MRGPRX1: variants seen among roughly 807,000 people sequenced by gnomAD.
The protein encoded by MRGPRX1 is MAS related GPR family member X1, also known as mas-related G protein-coupled receptor member X1.
For missense variants in MRGPRX1, 411 were observed against 393.8 expected, an observed-to-expected ratio of 1.04 and a Z score of -0.37; for synonymous variants, 208 against 170.4, an observed-to-expected ratio of 1.22 and a Z score of -1.72.
chr11:18,936,143 T>C (rs1182575218), intron 1 of MRGPRX1, among the ~76,000 whole-genome samples: 3 of 151,344 alleles, frequency 2.0e-5, no homozygotes, highest in Non-Finnish European at 3.0e-5. Context: ...ACTTATATAG[T>C]ATGAATTTGA....
chr11:18,934,846 G>T, intron 1 of MRGPRX1, 37 bp from the exon 2 acceptor site: 1 of 1,505,102 alleles, frequency 6.6e-7, no homozygotes, highest in Non-Finnish European at 8.9e-7. Context: ...CCAGCTGTAT[G>T]ATCTCTGATT....
chr11:18,935,599 G>C (rs1372298177), intron 1 of MRGPRX1, among the ~76,000 whole-genome samples: 3 of 151,486 alleles, frequency 2.0e-5, no homozygotes, highest in Non-Finnish European at 4.4e-5. Context: ...ATTGACCACT[G>C]ATGTGCCTTT....
chr11:18,934,158 T>C lies in MRGPRX1; in HGVS notation c.627A>G (p.Ile209Met), dbSNP rs768400930. 3.2e-5 allele frequency: 51 copies of C among 1,610,622 alleles called. 1 individual carries two copies. The highest frequency in any genetic ancestry group is 3.6e-5 in the Non-Finnish European group (43 of 1,178,202). The part of the protein sequence containing the change: ...LIRILCGSRK[I>M]PLTRLYVTIL... Reference sequence around the variant, plus strand: ...TGGTCACGTACAGCCTGGTCAGCGGTATCTTCCGGGATCCACAGAGAATCC... The same window carrying C: ...TGGTCACGTACAGCCTGGTCAGCGGCATCTTCCGGGATCCACAGAGAATCC... The change falls in exon 2 of 2, where the codon ATA becomes ATG. Residue 209 changes from isoleucine (I) to methionine (M), a missense_variant. Physicochemically the swap from Ile to Met is conservative, Grantham distance 10. Coordinates refer to ENST00000526914, the MANE Select transcript of MRGPRX1 (RefSeq NM_001393578.1).
rs1273910003 is a variant in MRGPRX1 at position 18,934,709 on chromosome 11, G to T, written c.76C>A (p.Gln26Lys). Residue 26 changes from glutamine to lysine, a missense_variant, in exon 2 of 2, where the codon CAG (glutamine) becomes AAG (lysine). Coordinates refer to ENST00000526914, the MANE Select transcript of MRGPRX1 (RefSeq NM_001393578.1). ...NGTEETLCYK[Q>K]TLSLTVLTCI... is the part of the protein sequence containing the mutation. The stretch of plus-strand genomic sequence containing the variant: ...GTCAGCACCGTGAGGCTCAAGGTCT[G>T]CTTGTAGCAAAGAGTCTCCTCAGTT... 1.2e-6 allele frequency: 2 copies of T among 1,608,972 alleles called. No individual in the cohort carries two copies. The highest frequency in any genetic ancestry group is 1.7e-6 in the Non-Finnish European group (2 of 1,177,478).
chr11:18,936,051 G>T (rs930223491), intron 1 of MRGPRX1, among the ~76,000 whole-genome samples: 1 of 151,466 alleles, frequency 6.6e-6, no homozygotes, highest in Admixed American at 6.6e-5. Flanking sequence ...TATCTGAAGA[G>T]CCTAGGAGTT....
At position 18,934,327 on chromosome 11, in the gene MRGPRX1, C is replaced by T. The variant is rs375590109; in HGVS notation, c.458G>A (p.Arg153Gln). 13 of 1,610,822 alleles carry T rather than the reference C, an allele frequency of 8.1e-6. 1 individual carries two copies. Among genetic ancestry groups the T allele is most frequent in the African/African-American group, 2.7e-5 (2 of 74,818 alleles). Residue 153 changes from arginine to glutamine, a missense_variant, in exon 2 of 2, where the codon CGG becomes CAG. By Grantham distance (43) the Arg-to-Gln change is conservative (BLOSUM62 1). Transcript: ENST00000526914. ...CVLLWALSLLRSILEWMLCGF... is the reference protein window; with the variant it reads ...CVLLWALSLLQSILEWMLCGF... ...ACATAACATCCACTCCAGGATGCTC[C>T]GCAGCAGGGACAGGGCCCAGAGCAG...
Position 18,934,757 on chromosome 11 carries a change from T to C in MRGPRX1, c.28A>G (p.Thr10Ala), listed in dbSNP as rs765683741. The stretch of plus-strand genomic sequence containing the variant: ...GTTCCGTTGATTGGTGTCAGTTCTG[T>C]GTCCAAGGTTGAGATGGTTGGATCC... MDPTISTLD[T>A]ELTPINGTEE... Residue 10 changes from threonine (T) to alanine (A), a missense_variant, in exon 2 of 2, where the codon ACA (threonine) becomes GCA (alanine). Coordinates refer to ENST00000526914, the MANE Select transcript of MRGPRX1 (RefSeq NM_001393578.1). The C allele has an allele frequency of 1.9e-6, 3 of 1,590,290 alleles. No individual in the cohort carries two copies. Among genetic ancestry groups the C allele is most frequent in the Non-Finnish European group, 2.6e-6 (3 of 1,167,562 alleles).
chr11:18,936,015 GT>G (rs1848837898), intron 1 of MRGPRX1, among the ~76,000 whole-genome samples: 1 of 151,376 alleles, frequency 6.6e-6, no homozygotes, highest in South Asian at 2.1e-4. Flanking sequence ...CTGATGGAGA[GT>G]TTATTAGGTA....
At position 18,934,607 on chromosome 11, in the gene MRGPRX1, C is replaced by G; in HGVS notation, c.178G>C (p.Ala60Pro). ...WLLGCRMRRN[A>P]FSIYILNLAA... ...AAGTTGAGGATGTAGATGGAGAAGG[C>G]GTTCCTGCGCATGCGGCAGCCCAGG... Residue 60 changes from alanine to proline, a missense_variant, in exon 2 of 2, where the codon GCC (alanine) becomes CCC (proline). Coordinates refer to ENST00000526914, the MANE Select transcript of MRGPRX1 (RefSeq NM_001393578.1). 3 of 1,609,710 alleles carry G rather than the reference C, an allele frequency of 1.9e-6. No individual in the cohort carries two copies. In the South Asian group the frequency reaches 3.3e-5, roughly 18 times the overall value.
At chr11:18,939,241 C>T (rs1335112709) in intron 1 of MRGPRX1, 39 bp downstream of exon 1, 1 of 151,690 alleles carries the variant, frequency 6.6e-6, no homozygotes, top group African/African-American at 2.4e-5. Flanking sequence ...TAGCAAAAAC[C>T]ATGACTGACT....
At chr11:18,937,702 T>C (rs997049409) in intron 1 of MRGPRX1, among the ~76,000 whole-genome samples, 30 of 151,546 alleles carry the variant, frequency 2.0e-4, no homozygotes, top group Admixed American at 8.6e-4. Context: ...ATTCAGGACC[T>C]AGTGACCCAG....
At position 18,934,021 on chromosome 11, in the gene MRGPRX1, A is replaced by G; in HGVS notation, c.764T>C (p.Leu255Pro). ...AAGAGCGGACAGGAAAATAGAAACT[A>G]GATGAACATGACAAAATAAGACTTC... ...DREVLFCHVH[L>P]VSIFLSALNS... Residue 255 changes from leucine (L) to proline (P), a missense_variant, in exon 2 of 2, where the codon CTA (leucine) becomes CCA (proline). Coordinates refer to ENST00000526914, the MANE Select transcript of MRGPRX1 (RefSeq NM_001393578.1). The G allele has an allele frequency of 1.2e-6, 2 of 1,610,934 alleles. No individual in the cohort carries two copies. The highest frequency in any genetic ancestry group is 2.2e-5 in the South Asian group (2 of 90,800).
At position 18,934,587 on chromosome 11, in the gene MRGPRX1, G is replaced by C. The variant is rs1848823372; in HGVS notation, c.198C>G (p.Leu66=). The C allele has an allele frequency of 6.2e-7, 1 of 1,609,654 alleles. No homozygotes were observed. Residue 66 remains leucine (L), a synonymous_variant, in exon 2 of 2, where the codon CTC becomes CTG. Transcript: ENST00000526914. ...MRRNAFSIYI[L]NLAAADFLFL... ...AGAGGAAGTCTGCTGCGGCCAAGTT[G>C]AGGATGTAGATGGAGAAGGCGTTCC...
intron 1 of MRGPRX1, among the ~76,000 whole-genome samples, chr11:18,936,044 C>G (rs917465372): frequency 6.6e-6 from 1 of 151,448 alleles, no homozygotes; most frequent in African/African-American, 2.4e-5. Flanking sequence ...TTTTAATTAT[C>G]TGAAGAGCCT....
intron 1 of MRGPRX1, among the ~76,000 whole-genome samples, chr11:18,936,924 C>T (rs1211398980): frequency 6.6e-6 from 1 of 151,432 alleles, no homozygotes; most frequent in Non-Finnish European, 1.5e-5. Context: ...TTCTCTGCCG[C>T]ATGATTCATT....
chr11:18,938,621 G>T (rs1358945548), intron 1 of MRGPRX1, among the ~76,000 whole-genome samples: 1 of 151,536 alleles, frequency 6.6e-6, no homozygotes, highest in African/African-American at 2.4e-5. Flanking sequence ...AGCCTGTGTG[G>T]CTGTGTGTTG....
chr11:18,933,951 A>G lies in MRGPRX1; in HGVS notation c.834T>C (p.Phe278=). 6.2e-7 allele frequency: 1 copy of G among 1,611,032 alleles called. No homozygotes were observed. ...GGTTCTGCCTATTTTGACGCTGCCT[A>G]AAGGAGCCCACGAAGAAGTAAATGA... ...NPIIYFFVGS[F]RQRQNRQNLK... The change falls in exon 2 of 2, where the codon TTT becomes TTC. Residue 278 remains phenylalanine, a synonymous_variant. Coordinates refer to ENST00000526914, the MANE Select transcript of MRGPRX1 (RefSeq NM_001393578.1).
At chr11:18,934,944 G>T (rs1848828957) in intron 1 of MRGPRX1, 135 bp from the exon 2 acceptor site, 7 of 1,032,936 alleles carry the variant, frequency 6.8e-6, no homozygotes, top group Non-Finnish European at 8.3e-6. Flanking sequence ...CCTATCAAAA[G>T]GTGGGGGTCC....
Position 18,934,410 on chromosome 11 carries a change from C to G in MRGPRX1, c.375G>C (p.Leu125=). ...AVSTERCLSV[L]WPIWYRCHRP... Reference sequence around the variant, plus strand: ...GGTGGCAGCGGTACCAGATGGGCCACAGGACGGACAGGCAGCGCTCGGTGC... The same window carrying G: ...GGTGGCAGCGGTACCAGATGGGCCAGAGGACGGACAGGCAGCGCTCGGTGC... The change falls in exon 2 of 2, where the codon CTG becomes CTC. Residue 125 remains leucine, a synonymous_variant. Coordinates refer to ENST00000526914, the MANE Select transcript of MRGPRX1 (RefSeq NM_001393578.1). The G allele has an allele frequency of 6.2e-7, 1 of 1,610,768 alleles. No individual in the cohort carries two copies. Among genetic ancestry groups the G allele is most frequent in the Non-Finnish European group, 8.5e-7 (1 of 1,178,130 alleles).
Sources: gnomAD v4.1 joint callset for allele counts (sites outside exome capture counted in the v4.1 genomes callset) on GRCh38, gnomAD v4.1.1 for gene constraint, MANE v1.5 for transcripts, NCBI Gene and HGNC (gene_info 2026-07-23, HGNC 2026-07-21) for gene names.